Variants in CALU observed in about 807,000 individuals in gnomAD.
The protein encoded by CALU is IEF SSP 9302.
CALU carries 13 observed loss-of-function variants against 37.5 expected under a neutral mutation model. The ratio of observed to expected loss-of-function variants is 0.35; its 90% CI spans 0.23 to 0.55. CALU has a LOEUF of 0.55. Among genes scored for constraint, CALU ranks in the 20% least tolerant of loss-of-function variants. CALU has a pLI of 0.89. For synonymous variants in CALU, 114 were observed against 133.8 expected, an observed-to-expected ratio of 0.85 and a Z score of 1.02; for missense variants, 282 against 391.7, an observed-to-expected ratio of 0.72 and a Z score of 2.36.
chr7:128,756,628 G>T (rs3778760), intron 3 of CALU, among the ~76,000 whole-genome samples: 42,359 of 150,836 alleles, frequency 0.28, 6,879 homozygotes, highest in Middle Eastern at 0.39. Context: ...CTGCCACAAG[G>T]AAAATATGAA....
intron 5 of CALU, among the ~76,000 whole-genome samples, chr7:128,764,417 C>A (rs566815551): frequency 2.7e-4 from 21 of 76,940 alleles, no homozygotes; most frequent in Middle Eastern, 8.9e-3. Context: ...CAGAGCAAGA[C>A]CCTGTCTCAG....
In CALU at chr7:128,770,213, T is replaced by A. The variant is rs761198325; in HGVS notation, c.*1046T>A. On this transcript the variant is annotated 3_prime_UTR_variant, in exon 7 of 7. Coordinates refer to ENST00000249364, the MANE Select transcript of CALU (RefSeq NM_001219.5). ...AGAAACCCTGAGATTAAAAAAAGAC[T>A]ATTTGGATAACTTATAGGAAAGCCT... The A allele has an allele frequency of 2.6e-5, 4 of 152,754 alleles. No homozygotes were observed. Among genetic ancestry groups the A allele is most frequent in the Non-Finnish European group, 5.9e-5 (4 of 68,028 alleles). The allele number at this position is 152,754 out of a possible 1,614,324, so 9.5% of individuals were successfully genotyped here.
Position 128,771,552 on chromosome 7 carries a change from A to G in CALU, c.*2385A>G, listed in dbSNP as rs933026629. The G allele has an allele frequency of 3.3e-5, 5 of 152,652 alleles. No individual in the cohort carries two copies. The highest frequency in any genetic ancestry group is 1.2e-4 in the African/African-American group (5 of 41,464). 9.5% of individuals were successfully genotyped at this position (152,652 alleles called of 1,614,324 possible). On this transcript the variant is annotated 3_prime_UTR_variant, in exon 7 of 7. Coordinates refer to ENST00000249364, the MANE Select transcript of CALU (RefSeq NM_001219.5). ...ATTATGGATGCTCTAAAATGTCAGA[A>G]TGGGAACTCTCCTCGAAGTTCTCCC... is the stretch of plus-strand genomic sequence containing the variant.
intron 5 of CALU, among the ~76,000 whole-genome samples, chr7:128,761,152 TA>T (rs1269480917): frequency 6.6e-6 from 1 of 152,120 alleles, no homozygotes; most frequent in African/African-American, 2.4e-5. Context: ...TAAATTTTTT[TA>T]AAAAAATTGT....
At chr7:128,767,167 C>A (rs971829352) in intron 5 of CALU, among the ~76,000 whole-genome samples, 4 of 152,172 alleles carry the variant, frequency 2.6e-5, no homozygotes, top group African/African-American at 9.7e-5. Context: ...GAGTCTAAGT[C>A]TTTCTTGATG....
chr7:128,759,923 C>T (rs1801038121), intron 5 of CALU, 71 bp downstream of exon 5: 3 of 846,822 alleles, frequency 3.5e-6, no homozygotes, highest in East Asian at 5.0e-5. Flanking sequence ...GCTGGCTGGG[C>T]ACAGTGGCTC....
chr7:128,773,400 A>T lies in CALU; in HGVS notation c.*4233A>T, dbSNP rs555231478. Among the ~76,000 whole-genome samples the T allele has an allele frequency of 6.6e-6, 1 of 152,232 alleles. No individual in the cohort carries two copies. Among genetic ancestry groups the T allele is most frequent in the South Asian group, 2.1e-4 (1 of 4,820 alleles). On this transcript the variant is annotated 3_prime_UTR_variant, in exon 7 of 7. Coordinates refer to ENST00000249364, the MANE Select transcript of CALU (RefSeq NM_001219.5). Reference sequence around the variant, plus strand: ...GTTTTTCAATAAAATGCTTTCATTCATCCTGTTCTTTGGAGCAACTTCATT... The same window carrying T: ...GTTTTTCAATAAAATGCTTTCATTCTTCCTGTTCTTTGGAGCAACTTCATT...
intron 2 of CALU, among the ~76,000 whole-genome samples, chr7:128,750,749 C>T (rs1406921057): frequency 6.6e-6 from 1 of 152,106 alleles, no homozygotes; most frequent in Non-Finnish European, 1.5e-5. Context: ...CAGGTTCCCT[C>T]TTTTTTCCAT....
In CALU at chr7:128,767,458, G is replaced by A; in HGVS notation, c.646G>A (p.Asp216Asn). ...GFIDLEEYIG[D>N]MYSHDGNTDE... ...TGTATGTATGTCTGTGTACCCAGGT[G>A]ACATGTACAGCCATGATGGGAATAC... Residue 216 changes from aspartate (D) to asparagine (N), a missense_variant and splice_region_variant, in exon 6 of 7, where the codon GAC becomes AAC. Transcript: ENST00000249364. 6.2e-7 allele frequency: 1 copy of A among 1,609,840 alleles called. No homozygotes were observed. The highest frequency in any genetic ancestry group is 1.1e-5 in the South Asian group (1 of 90,998).
chr7:128,747,319 G>A (rs1281063893), intron 1 of CALU, among the ~76,000 whole-genome samples: 1 of 152,110 alleles, frequency 6.6e-6, no homozygotes, highest in Non-Finnish European at 1.5e-5. Flanking sequence ...ATTTCTCTAT[G>A]GGTTTCATGG....
At position 128,769,486 on chromosome 7, in the gene CALU, T is replaced by C. The variant is rs185226621; in HGVS notation, c.*319T>C. ...AGGATCAAGATCCTCAACTCACACA[T>C]GTAGACAAACATTAGCTCTTTACTC... is the stretch of plus-strand genomic sequence containing the variant. On this transcript the variant is annotated 3_prime_UTR_variant, in exon 7 of 7. Coordinates refer to ENST00000249364, the MANE Select transcript of CALU (RefSeq NM_001219.5). 3 of 176,314 alleles carry C rather than the reference T, an allele frequency of 1.7e-5. No homozygotes were observed. The highest frequency in any genetic ancestry group is 5.8e-5 in the Admixed American group (1 of 17,174). 10.9% of individuals were successfully genotyped at this position (176,314 alleles called of 1,614,324 possible).
At chr7:128,757,878 TAGTTCCAA>T (rs2128880925) in intron 3 of CALU, among the ~76,000 whole-genome samples, 1 of 151,822 alleles carries the variant, frequency 6.6e-6, no homozygotes, top group East Asian at 1.9e-4. Flanking sequence ...AACAGATGGG[TAGTTCCAA>T]ATTCAATTTG....
chr7:128,749,465 A>T (rs1800574836), intron 2 of CALU, among the ~76,000 whole-genome samples: 1 of 152,146 alleles, frequency 6.6e-6, no homozygotes, highest in African/African-American at 2.4e-5. Flanking sequence ...CTAATTGGGG[A>T]TCTGAGAATG....
chr7:128,763,198 A>G lies in CALU; in HGVS notation c.643+3346A>G, dbSNP rs141403867. ...AGATAATGTCAACCCAAGAAAATTA[A>G]TAATACCTTCAAATCATCAAATAGA... On this transcript the variant is annotated intron_variant, in intron 5 of 6. Transcript: ENST00000249364. 7.1e-3 allele frequency among the ~76,000 whole-genome samples: 1,074 copies of G among 152,304 alleles called. 16 individuals carry two copies. The highest frequency in any genetic ancestry group is 0.025 in the African/African-American group (1,033 of 41,570).
intron 3 of CALU, 39 bp downstream of exon 3, chr7:128,754,494 C>G: frequency 6.2e-7 from 1 of 1,602,746 alleles, no homozygotes; most frequent in East Asian, 2.2e-5. Context: ...CCTTGTGGAG[C>G]TGGCACCTTG....
intron 5 of CALU, 67 bp downstream of exon 5, chr7:128,759,919 T>C: frequency 1.2e-6 from 1 of 864,970 alleles, no homozygotes; most frequent in African/African-American, 1.6e-5. Flanking sequence ...ATTTGCTGGC[T>C]GGGCACAGTG....
chr7:128,756,158 C>T (rs1800876004), intron 3 of CALU, among the ~76,000 whole-genome samples: 1 of 152,166 alleles, frequency 6.6e-6, no homozygotes, highest in Non-Finnish European at 1.5e-5. Context: ...GACCCAACAC[C>T]TTCCTGATTT....
Position 128,773,175 on chromosome 7 carries a change from C to G in CALU, c.*4008C>G, listed in dbSNP as rs886163971. 3.9e-5 allele frequency among the ~76,000 whole-genome samples: 6 copies of G among 152,230 alleles called. No homozygotes were observed. Among genetic ancestry groups the G allele is most frequent in the Non-Finnish European group, 8.8e-5 (6 of 68,030 alleles). ...GAGATTTTTGCATGTGGTATGATTT[C>G]TGTGCTTCACACATGCTCGTGCAGG... On this transcript the variant is annotated 3_prime_UTR_variant, in exon 7 of 7. Transcript: ENST00000249364.
intron 3 of CALU, among the ~76,000 whole-genome samples, chr7:128,755,421 A>C (rs1204625125): frequency 6.6e-6 from 1 of 152,052 alleles, no homozygotes; most frequent in African/African-American, 2.4e-5. Flanking sequence ...TGTTGGACCT[A>C]AAATTCAAAC....
Sources: gnomAD v4.1 joint callset for allele counts (sites outside exome capture counted in the v4.1 genomes callset) on GRCh38, gnomAD v4.1.1 for gene constraint, MANE v1.5 for transcripts, NCBI Gene and HGNC (gene_info 2026-07-23, HGNC 2026-07-21) for gene names.